NEBL: variants seen among roughly 807,000 people sequenced by gnomAD.
NEBL encodes nebulette.
A neutral mutation model predicts 140.2 loss-of-function variants in NEBL; 122 were observed. That is an observed-to-expected ratio of 0.87 (90% CI 0.75 to 1.01). NEBL has a LOEUF of 1.01. Ranked by LOEUF, NEBL falls within the 50% of genes least tolerant of loss-of-function variation. The probability of loss-of-function intolerance (pLI) is 0.00; values close to 1 mark genes in which losing one functional copy is unlikely to be tolerated. For missense variants in NEBL, 1,365 were observed against 1,231.3 expected (o/e 1.11, Z -1.62); for synonymous variants, 436 against 398.9 (o/e 1.09, Z -1.11).
chr10:20,813,499 T>C (rs554876348), intron 23 of NEBL, among the ~76,000 whole-genome samples: 1 of 152,262 alleles, frequency 6.6e-6, no homozygotes, highest in East Asian at 1.9e-4. Flanking sequence ...CTAGAAACCA[T>C]TGAATTGAAC....
chr10:20,849,367 C>T (rs959936292), intron 11 of NEBL, among the ~76,000 whole-genome samples: 2 of 152,090 alleles, frequency 1.3e-5, no homozygotes, highest in Admixed American at 6.6e-5. Context: ...CAATCAAATA[C>T]GCCGCCTATG....
intron 2 of NEBL, among the ~76,000 whole-genome samples, chr10:21,102,910 G>A (rs1837539473): frequency 6.6e-6 from 1 of 152,048 alleles, no homozygotes. Context: ...ATAGCGGTTT[G>A]CTGTACCTAT....
At chr10:20,816,832 G>C (rs1838761301) in intron 21 of NEBL, among the ~76,000 whole-genome samples, 1 of 152,118 alleles carries the variant, frequency 6.6e-6, no homozygotes, top group Non-Finnish European at 1.5e-5. Context: ...AAATGGTCCT[G>C]TCCAATATAA....
chr10:20,945,908 A>G (rs911678365), intron 4 of NEBL, among the ~76,000 whole-genome samples: 1 of 152,226 alleles, frequency 6.6e-6, no homozygotes, highest in Non-Finnish European at 1.5e-5. Flanking sequence ...ATGCAATTAA[A>G]TAATTCATTT....
intron 3 of NEBL, among the ~76,000 whole-genome samples, chr10:20,889,260 A>G (rs1846810482): frequency 6.6e-6 from 1 of 152,268 alleles, no homozygotes; most frequent in African/African-American, 2.4e-5. Flanking sequence ...ACAATGCAAC[A>G]TAAACTGTAG....
Position 21,279,516 on chromosome 10 carries a change from C to T in NEBL, n.182+13314G>A, listed in dbSNP as rs191077838. Among the ~76,000 whole-genome samples the T allele has an allele frequency of 1.3e-4, 19 of 151,974 alleles. No individual in the cohort carries two copies. The East Asian group carries it at 1.9e-3, about 16-fold the overall frequency. On this transcript the variant is annotated intron_variant and non_coding_transcript_variant, in intron 1 of 8. Coordinates refer to the NEBL transcript ENST00000675702. The stretch of plus-strand genomic sequence containing the variant: ...GCACAGTGGTTCATGCCTGTAATCT[C>T]AGCAGTTTGGGAGGCCAAGAAGGGC...
intron 26 of NEBL, among the ~76,000 whole-genome samples, chr10:20,791,714 A>T (rs919343827): frequency 2.6e-5 from 4 of 152,166 alleles, no homozygotes; most frequent in African/African-American, 7.2e-5. Context: ...TAAGAGGCTC[A>T]CCAAATCTGA....
chr10:20,797,800 C>G (rs546831574), intron 26 of NEBL, among the ~76,000 whole-genome samples: 20 of 152,114 alleles, frequency 1.3e-4, no homozygotes, highest in Non-Finnish European at 2.2e-4. Context: ...AGAATAAGAT[C>G]AAGGACCAGA....
At chr10:20,791,363 A>T (rs1835955828) in intron 26 of NEBL, among the ~76,000 whole-genome samples, 1 of 152,172 alleles carries the variant, frequency 6.6e-6, no homozygotes, top group Non-Finnish European at 1.5e-5. Flanking sequence ...GAAGATCATA[A>T]AAGAGAAGAT....
chr10:21,177,123 G>A (rs59573038), upstream of NEBL, among the ~76,000 whole-genome samples: 19 of 152,254 alleles, frequency 1.2e-4, no homozygotes, highest in South Asian at 1.4e-3. Flanking sequence ...GAGCTTGGCC[G>A]TGTGACTTCC....
intron 3 of NEBL, among the ~76,000 whole-genome samples, chr10:20,991,723 C>T (rs1253792632): frequency 6.6e-6 from 1 of 151,800 alleles, no homozygotes; most frequent in African/African-American, 2.4e-5. Context: ...AGGTAGTGAA[C>T]ATAGTACCCA....
At chr10:21,089,508 C>T (rs927415958) in intron 2 of NEBL, among the ~76,000 whole-genome samples, 9 of 151,850 alleles carry the variant, frequency 5.9e-5, no homozygotes, top group Non-Finnish European at 1.3e-4. Context: ...GGGGGTGACA[C>T]GGGTGAGTGT....
intron 2 of NEBL, among the ~76,000 whole-genome samples, chr10:21,043,127 A>G (rs1443652479): frequency 6.6e-6 from 1 of 152,224 alleles, no homozygotes; most frequent in Non-Finnish European, 1.5e-5. Context: ...TTTTTCCCTC[A>G]TATAGCACAT....
At chr10:21,193,425 T>A (rs2132219072) in intron 3 of NEBL, among the ~76,000 whole-genome samples, 1 of 152,172 alleles carries the variant, frequency 6.6e-6, no homozygotes, top group Middle Eastern at 3.4e-3. Flanking sequence ...TCAAAACCCA[T>A]CCCCACTGAA....
rs889149009 is a variant in NEBL, at chr10:20,783,535, G to A, written c.*2212C>T. 6.6e-6 allele frequency: 1 copy of A among 152,116 alleles called. No individual in the cohort carries two copies. Among genetic ancestry groups the A allele is most frequent in the African/African-American group, 2.4e-5 (1 of 41,420 alleles). The allele number at this position is 152,116 out of a possible 1,614,324, so 9.4% of individuals were successfully genotyped here. A position where few individuals can be genotyped will look rare whatever the true frequency, so the allele number is the denominator to read the frequency against. On this transcript the variant is annotated 3_prime_UTR_variant, in exon 28 of 28. Transcript: ENST00000377122. ...AATCGGTGGATGAAATTACTTTCCTGATTACAAGCATTATTTCAAGTCAGT... is the reference window on the plus strand; with the variant it reads ...AATCGGTGGATGAAATTACTTTCCTAATTACAAGCATTATTTCAAGTCAGT...
intron 3 of NEBL, among the ~76,000 whole-genome samples, chr10:21,013,708 T>C (rs772427426): frequency 6.6e-6 from 1 of 152,106 alleles, no homozygotes; most frequent in Non-Finnish European, 1.5e-5. Flanking sequence ...TGAATCCCCA[T>C]CTCTACTAAA....
At chr10:21,031,462 C>T (rs759934918) in intron 2 of NEBL, among the ~76,000 whole-genome samples, 1 of 152,172 alleles carries the variant, frequency 6.6e-6, no homozygotes, top group African/African-American at 2.4e-5. Flanking sequence ...CTATTCCTGC[C>T]GCGATGGGAG....
At chr10:21,209,110 A>G (rs1219547826) in intron 3 of NEBL, among the ~76,000 whole-genome samples, 7 of 152,174 alleles carry the variant, frequency 4.6e-5, no homozygotes, top group Non-Finnish European at 1.0e-4. Context: ...CAGTTGCAAG[A>G]TGGTGCCAGG....
At chr10:20,887,550 C>G (rs1012672504) in intron 4 of NEBL, among the ~76,000 whole-genome samples, 1 of 151,176 alleles carries the variant, frequency 6.6e-6, no homozygotes, top group South Asian at 2.1e-4. Flanking sequence ...TCCTGAGTAG[C>G]TGGCACCACA....
Sources: gnomAD v4.1 joint callset for allele counts (sites outside exome capture counted in the v4.1 genomes callset) on GRCh38, gnomAD v4.1.1 for gene constraint, MANE v1.5 for transcripts, NCBI Gene and HGNC (gene_info 2026-07-23, HGNC 2026-07-21) for gene names.